Variants in SLC9A7 observed in about 807,000 individuals in gnomAD.
The protein encoded by SLC9A7 is sodium/hydrogen exchanger 7.
In SLC9A7, 19 loss-of-function variants were observed where a neutral mutation model predicts 52.6. The observed-to-expected ratio is 0.36, with a 90% CI of 0.25 to 0.53. The LOEUF is 0.53. SLC9A7 is among the 20% of genes least tolerant of loss of function. SLC9A7 has a pLI of 0.91. For synonymous variants in SLC9A7, 226 were observed against 252.1 expected, an observed-to-expected ratio of 0.90 and a Z score of 0.98; for missense variants, 455 against 597.9, an observed-to-expected ratio of 0.76 and a Z score of 2.49.
intron 7 of SLC9A7, among the ~76,000 whole-genome samples, chrX:46,656,927 C>T (rs1456057387): frequency 9.6e-6 from 1 of 104,180 alleles, no homozygotes; most frequent in Non-Finnish European, 2.0e-5. Flanking sequence ...TTGTCAGATT[C>T]ACCAAAGTTG....
intron 1 of SLC9A7, among the ~76,000 whole-genome samples, chrX:46,701,750 G>A (rs114639764): frequency 9.0e-6 from 1 of 111,308 alleles, no homozygotes; most frequent in African/African-American, 3.3e-5. Flanking sequence ...TCCTCAAGCC[G>A]GGCAGTGAGT....
At chrX:46,725,235 C>G in intron 1 of SLC9A7, 2 of 1,080,240 alleles carry the variant, frequency 1.9e-6, no homozygotes, top group South Asian at 3.7e-5. Flanking sequence ...AGTGGGAACA[C>G]CTTCCGGAAT....
intron 1 of SLC9A7, among the ~76,000 whole-genome samples, chrX:46,721,557 C>T (rs1944860988): frequency 9.0e-6 from 1 of 110,763 alleles, no homozygotes; most frequent in Non-Finnish European, 1.9e-5. Context: ...AAGAAATAAA[C>T]ACGTTTGCTT....
chrX:46,738,472 T>C (rs1921051222), intron 1 of SLC9A7, among the ~76,000 whole-genome samples: 1 of 111,958 alleles, frequency 8.9e-6, no homozygotes, highest in South Asian at 3.7e-4. Context: ...AACATTACTA[T>C]AAAACCAAAT....
At chrX:46,703,626 C>T (rs1944564039) in intron 1 of SLC9A7, among the ~76,000 whole-genome samples, 2 of 111,404 alleles carry the variant, frequency 1.8e-5, no homozygotes, top group African/African-American at 3.3e-5. Flanking sequence ...ATGGGATAGG[C>T]GACACCACAT....
In SLC9A7 at chrX:46,755,680, G is replaced by A. The variant is rs183006553; in HGVS notation, c.325+3025C>T. Among the ~76,000 whole-genome samples, 170 of 109,608 alleles carry A rather than the reference G, an allele frequency of 1.6e-3. 1 individual carries two copies. The South Asian group carries it at 0.041, about 26-fold the overall frequency. On this transcript the variant is annotated intron_variant, in intron 1 of 16. Coordinates refer to ENST00000616978, the MANE Select transcript of SLC9A7 (RefSeq NM_001257291.2). ...TCTACTAAAAATACAAAATTTAGCC[G>A]GGCATGGTGGCGGGCGCCTGTAATC...
At chrX:46,696,285 C>T (rs993821069) in intron 1 of SLC9A7, among the ~76,000 whole-genome samples, 1 of 111,044 alleles carries the variant, frequency 9.0e-6, no homozygotes, top group African/African-American at 3.3e-5. Context: ...TGCGCCCAGC[C>T]TCTCCAACTT....
At chrX:46,673,870 G>A (rs532003480) in intron 3 of SLC9A7, among the ~76,000 whole-genome samples, 19 of 112,206 alleles carry the variant, frequency 1.7e-4, no homozygotes, top group Non-Finnish European at 3.2e-4. Context: ...ATCCTTCAAG[G>A]GCTTGCCATG....
chrX:46,655,724 C>T (rs1046096211), intron 7 of SLC9A7, among the ~76,000 whole-genome samples: 1 of 112,821 alleles, frequency 8.9e-6, no homozygotes, highest in African/African-American at 3.2e-5. Flanking sequence ...GGGACGTACA[C>T]CCATGGAGTC....
intron 7 of SLC9A7, 22 bp from the exon 8 acceptor site, chrX:46,653,736 C>T: frequency 8.7e-7 from 1 of 1,143,797 alleles, no homozygotes; most frequent in Admixed American, 2.2e-5. Flanking sequence ...GTCAAGGACC[C>T]TGTCTCCAGG....
intron 16 of SLC9A7, 90 bp downstream of exon 16, chrX:46,613,199 G>T: frequency 3.4e-6 from 2 of 582,024 alleles, no homozygotes; most frequent in Non-Finnish European, 5.2e-6. Flanking sequence ...CTGTGGATTT[G>T]GAGGCATGAG....
intron 1 of SLC9A7, among the ~76,000 whole-genome samples, chrX:46,731,432 T>TATATAAA (rs748259550): frequency 1.8e-4 from 14 of 78,255 alleles, no homozygotes; most frequent in East Asian, 3.9e-4. Context: ...TATAAAAAAT[T>TATATAAA]AAAAAAAATT....
intron 1 of SLC9A7, among the ~76,000 whole-genome samples, chrX:46,697,340 T>C (rs1310437261): frequency 1.8e-5 from 2 of 111,928 alleles, no homozygotes; most frequent in South Asian, 3.7e-4. Context: ...GTGAAAAGTA[T>C]GTGAGGTAAT....
intron 1 of SLC9A7, among the ~76,000 whole-genome samples, chrX:46,686,496 G>T (rs1040531744): frequency 7.1e-5 from 8 of 111,990 alleles, no homozygotes; most frequent in Non-Finnish European, 1.3e-4. Flanking sequence ...GTGAGAAAAT[G>T]ATAAAGACTT....
intron 12 of SLC9A7, among the ~76,000 whole-genome samples, chrX:46,640,586 T>C (rs1156489747): frequency 8.9e-6 from 1 of 111,748 alleles, no homozygotes; most frequent in East Asian, 2.8e-4. Flanking sequence ...AAGACCCTAT[T>C]AAAAGGATTA....
chrX:46,667,754 G>A (rs1279396268), intron 5 of SLC9A7, among the ~76,000 whole-genome samples: 1 of 112,188 alleles, frequency 8.9e-6, no homozygotes, highest in Admixed American at 9.4e-5. Flanking sequence ...TCTCTACCGT[G>A]AGGACAGGAG....
intron 5 of SLC9A7, among the ~76,000 whole-genome samples, chrX:46,663,662 A>G (rs1183997012): frequency 2.0e-5 from 2 of 99,469 alleles, no homozygotes; most frequent in South Asian, 4.6e-4. Flanking sequence ...AAAAAAAGGA[A>G]AGAAAGAAAA....
At position 46,723,933 on chromosome X, in the gene SLC9A7, CA is replaced by C. The variant is rs769950555; in HGVS notation, c.325+34771del. ...TGAAACCTCATCTCTACTAAAAGTA[CA>C]AAAAAAAAAATAGCTGGGCGTGATG... On this transcript the variant is annotated intron_variant, in intron 1 of 16. Transcript: ENST00000616978. Among the ~76,000 whole-genome samples the C allele has an allele frequency of 7.1e-3, 728 of 103,104 alleles. 8 individuals are homozygous for C. The highest frequency in any genetic ancestry group is 0.023 in the African/African-American group (646 of 28,636). 89.5% of individuals were successfully genotyped at this position (103,104 alleles called of 115,157 possible).
chrX:46,657,705 G>A (rs1015024530), intron 7 of SLC9A7, among the ~76,000 whole-genome samples: 38 of 111,228 alleles, frequency 3.4e-4, no homozygotes, highest in Admixed American at 3.1e-3. Context: ...CAATACAGAA[G>A]CACCCAGATT....
Sources: gnomAD v4.1 joint callset for allele counts (sites outside exome capture counted in the v4.1 genomes callset) on GRCh38, gnomAD v4.1.1 for gene constraint, MANE v1.5 for transcripts, NCBI Gene and HGNC (gene_info 2026-07-23, HGNC 2026-07-21) for gene names.